The following GRM7 variants were observed in gnomAD, a reference collection of about 807,000 sequenced individuals.
GRM7 encodes glutamate metabotropic receptor 7.
In GRM7, 35 loss-of-function variants were observed where a neutral mutation model predicts 84.5. The observed-to-expected ratio is 0.41, with a 90% CI of 0.32 to 0.55. The LOEUF (loss-of-function observed/expected upper bound fraction) is 0.55, where lower values mean the gene tolerates loss of function less well. Among genes scored for constraint, GRM7 ranks in the 20% least tolerant of loss-of-function variants. The pLI, the probability that GRM7 is intolerant of heterozygous loss-of-function variation, is 0.19. For synonymous variants in GRM7, 487 were observed against 455.1 expected, an observed-to-expected ratio of 1.07 and a Z score of -0.89; for missense variants, 1,003 against 1,194.6, an observed-to-expected ratio of 0.84 and a Z score of 2.36.
chr3:6,972,588 G>A (rs552731577), intron 1 of GRM7, among the ~76,000 whole-genome samples: 3 of 152,292 alleles, frequency 2.0e-5, no homozygotes, highest in Admixed American at 1.3e-4. Context: ...ATGTCAAAAG[G>A]CCTATTGGCA....
chr3:6,865,835 A>G (rs1052614882), intron 1 of GRM7, among the ~76,000 whole-genome samples: 2 of 151,962 alleles, frequency 1.3e-5, no homozygotes, highest in East Asian at 1.9e-4. Context: ...CGGTGGTGAA[A>G]TTTATTAGAA....
At chr3:7,057,749 G>A (rs1697278299) in intron 1 of GRM7, among the ~76,000 whole-genome samples, 1 of 151,912 alleles carries the variant, frequency 6.6e-6, no homozygotes, top group South Asian at 2.1e-4. Context: ...TAGGATGGGT[G>A]AGGTAGTTTA....
chr3:7,264,516 G>A (rs1337738853), intron 2 of GRM7, among the ~76,000 whole-genome samples: 1 of 147,408 alleles, frequency 6.8e-6, no homozygotes, highest in African/African-American at 2.5e-5. Context: ...AGTCATTCAG[G>A]GCCAGGAATA....
chr3:7,386,411 C>A (rs953708875), intron 4 of GRM7, among the ~76,000 whole-genome samples: 2 of 152,118 alleles, frequency 1.3e-5, no homozygotes, highest in Non-Finnish European at 2.9e-5. Context: ...GATGTTCAAC[C>A]CTTGTCCCAT....
intron 1 of GRM7, among the ~76,000 whole-genome samples, chr3:7,130,543 CAAAA>C (rs1228064637): frequency 1.1e-4 from 9 of 79,176 alleles, no homozygotes; most frequent in Non-Finnish European, 2.2e-4. Flanking sequence ...ATTCTTGTCT[CAAAA>C]AAAAAAAGAA....
chr3:7,697,829 C>T (rs1489757639), intron 9 of GRM7, among the ~76,000 whole-genome samples: 2 of 152,174 alleles, frequency 1.3e-5, no homozygotes, highest in African/African-American at 4.8e-5. Context: ...TCTGCACTTT[C>T]ACTCAGCTTT....
intron 9 of GRM7, among the ~76,000 whole-genome samples, chr3:7,705,310 A>G (rs1701351330): frequency 6.6e-6 from 1 of 152,138 alleles, no homozygotes; most frequent in South Asian, 2.1e-4. Flanking sequence ...ATTCGAATTA[A>G]AATTTCAGAG....
At chr3:7,228,372 T>A (rs1697051898) in intron 2 of GRM7, among the ~76,000 whole-genome samples, 1 of 150,494 alleles carries the variant, frequency 6.6e-6, no homozygotes, top group South Asian at 2.2e-4. Flanking sequence ...GAAAATCAAA[T>A]TTATTGGAAG....
intron 2 of GRM7, among the ~76,000 whole-genome samples, chr3:7,229,138 C>T (rs1697078869): frequency 6.6e-6 from 1 of 151,508 alleles, no homozygotes. Context: ...TTAATGTTAG[C>T]TATTTAATTG....
intron 1 of GRM7, among the ~76,000 whole-genome samples, chr3:7,131,821 T>G (rs537266100): frequency 6.6e-6 from 1 of 152,102 alleles, no homozygotes; most frequent in Non-Finnish European, 1.5e-5. Context: ...AAAGTAATTA[T>G]TGTAATAGGA....
intron 4 of GRM7, among the ~76,000 whole-genome samples, chr3:7,407,969 C>T (rs770976777): frequency 6.6e-6 from 1 of 152,172 alleles, no homozygotes; most frequent in East Asian, 1.9e-4. Flanking sequence ...ATGCTGGACA[C>T]TGTTCTAAAA....
At chr3:6,954,228 C>T (rs1458642298) in intron 1 of GRM7, among the ~76,000 whole-genome samples, 1 of 152,116 alleles carries the variant, frequency 6.6e-6, no homozygotes, top group African/African-American at 2.4e-5. Context: ...GTGTTGTGTA[C>T]ATGTCAAGTC....
At chr3:7,089,026 C>G (rs763446674) in intron 1 of GRM7, among the ~76,000 whole-genome samples, 1 of 152,072 alleles carries the variant, frequency 6.6e-6, no homozygotes, top group Non-Finnish European at 1.5e-5. Context: ...ATGTCGATTA[C>G]CAAACAGCAA....
rs1702664597 is a variant in GRM7, at chr3:7,740,697, T to C, written c.*291T>C. 3.4e-6 allele frequency: 1 copy of C among 293,372 alleles called. No homozygotes were observed. The allele number at this position is 293,372 out of a possible 1,614,324, so 18.2% of individuals were successfully genotyped here. ...CAAGTCCCGCCCTGGCTCTTTAGAA[T>C]GGACCACTGAGAGCCACAGGACCGT... On this transcript the variant is annotated 3_prime_UTR_variant, in exon 10 of 10. Transcript: ENST00000357716.
At chr3:7,070,805 C>A (rs1438361895) in intron 1 of GRM7, among the ~76,000 whole-genome samples, 2 of 152,004 alleles carry the variant, frequency 1.3e-5, no homozygotes, top group African/African-American at 4.8e-5. Context: ...GTAGACAGAA[C>A]TAATGCAAAT....
At chr3:7,702,620 T>TA (rs34885217) in intron 9 of GRM7, among the ~76,000 whole-genome samples, 1 of 152,350 alleles carries the variant, frequency 6.6e-6, no homozygotes, top group Admixed American at 6.5e-5. Context: ...TAATTTCACT[T>TA]AAAAGATGCT....
intron 4 of GRM7, among the ~76,000 whole-genome samples, chr3:7,311,618 G>T (rs1390520679): frequency 9.4e-4 from 140 of 149,568 alleles, no homozygotes; most frequent in African/African-American, 3.2e-3. Flanking sequence ...TTTTGGGATG[G>T]AGTCTCGCTT....
intron 2 of GRM7, among the ~76,000 whole-genome samples, chr3:7,296,839 G>A (rs1376072725): frequency 6.6e-6 from 1 of 151,260 alleles, no homozygotes; most frequent in Non-Finnish European, 1.5e-5. Flanking sequence ...AAAAAAGCTG[G>A]GATCTTGCTA....
chr3:7,228,722 G>T (rs1326929551), intron 2 of GRM7, among the ~76,000 whole-genome samples: 1 of 152,168 alleles, frequency 6.6e-6, no homozygotes, highest in East Asian at 1.9e-4. Flanking sequence ...GGAATCAAGT[G>T]TTGTGGGTTT....
Sources: allele counts gnomAD v4.1 joint callset (sites outside exome capture counted in the v4.1 genomes callset), GRCh38; gene constraint gnomAD v4.1.1; transcripts MANE v1.5; gene names NCBI Gene and HGNC (gene_info 2026-07-23, HGNC 2026-07-21).